Variants in SSBP3 observed in about 807,000 individuals in gnomAD.
The protein encoded by SSBP3 is single-stranded DNA-binding protein 3.
SSBP3 carries 5 observed loss-of-function variants against 69.6 expected under a neutral mutation model. That is an observed-to-expected ratio of 0.07 (90% CI 0.04 to 0.15). The LOEUF is 0.15. Among genes scored for constraint, SSBP3 ranks in the 10% least tolerant of loss-of-function variants. The pLI is 1.00. For synonymous variants in SSBP3, 196 were observed against 193.4 expected (o/e 1.01, Z -0.11); for missense variants, 312 against 534.0 (o/e 0.58, Z 4.10).
intron 4 of SSBP3, among the ~76,000 whole-genome samples, chr1:54,378,007 G>A (rs1647312468): frequency 6.6e-6 from 1 of 151,946 alleles, no homozygotes; most frequent in South Asian, 2.1e-4. Flanking sequence ...ATTCTGCTCG[G>A]CCTCAACACA....
chr1:54,249,839 G>T (rs1265349016), intron 9 of SSBP3, among the ~76,000 whole-genome samples: 2 of 151,364 alleles, frequency 1.3e-5, no homozygotes, highest in Admixed American at 6.6e-5. Flanking sequence ...AGCCCTCCAG[G>T]TCAGGCACAG....
intron 4 of SSBP3, among the ~76,000 whole-genome samples, chr1:54,330,982 G>A (rs571539132): frequency 6.6e-6 from 1 of 152,326 alleles, no homozygotes; most frequent in African/African-American, 2.4e-5. Context: ...TGAAGGCACT[G>A]TTAAATGGCT....
At chr1:54,382,260 A>C (rs1647710440) in intron 4 of SSBP3, among the ~76,000 whole-genome samples, 2 of 152,244 alleles carry the variant, frequency 1.3e-5, no homozygotes, top group African/African-American at 4.8e-5. Flanking sequence ...TATTTTTTAC[A>C]GACAGGGTCT....
chr1:54,268,323 A>G (rs1645137044), intron 5 of SSBP3, among the ~76,000 whole-genome samples: 1 of 152,194 alleles, frequency 6.6e-6, no homozygotes, highest in African/African-American at 2.4e-5. Context: ...ACCGCTCGCC[A>G]GCGCTCAGGC....
chr1:54,334,208 T>C (rs1646469399), intron 4 of SSBP3, among the ~76,000 whole-genome samples: 2 of 151,750 alleles, frequency 1.3e-5, no homozygotes, highest in African/African-American at 4.8e-5. Flanking sequence ...AAAAATTAGC[T>C]GGGCGTGGTG....
intron 4 of SSBP3, among the ~76,000 whole-genome samples, chr1:54,305,943 T>C (rs1645893173): frequency 6.6e-6 from 1 of 151,114 alleles, no homozygotes; most frequent in Non-Finnish European, 1.5e-5. Context: ...TCTTCTACCA[T>C]GATACCCTTC....
chr1:54,341,714 A>G (rs1387795195), intron 4 of SSBP3, among the ~76,000 whole-genome samples: 2 of 134,114 alleles, frequency 1.5e-5, no homozygotes, highest in Non-Finnish European at 3.4e-5. Flanking sequence ...AATGATTGAA[A>G]AAAAAAAAAA....
chr1:54,304,565 T>C (rs1248825381), intron 4 of SSBP3, among the ~76,000 whole-genome samples: 1 of 152,068 alleles, frequency 6.6e-6, no homozygotes, highest in East Asian at 1.9e-4. Context: ...GGCTGGAGTG[T>C]GGAAGAACAG....
intron 4 of SSBP3, among the ~76,000 whole-genome samples, chr1:54,352,617 G>A (rs1385646273): frequency 6.6e-6 from 1 of 152,188 alleles, no homozygotes; most frequent in Non-Finnish European, 1.5e-5. Flanking sequence ...GGGCGGGATG[G>A]CCGTCATCTC....
intron 5 of SSBP3, among the ~76,000 whole-genome samples, chr1:54,267,108 T>A (rs1645115591): frequency 6.6e-6 from 1 of 152,130 alleles, no homozygotes; most frequent in Admixed American, 6.5e-5. Flanking sequence ...AAGAATTAGA[T>A]CCTCTGGGGT....
chr1:54,274,711 C>A lies in SSBP3; in HGVS notation c.366+6727G>T, dbSNP rs531392723. 1.6e-4 allele frequency among the ~76,000 whole-genome samples: 25 copies of A among 152,312 alleles called. No homozygotes were observed. In the South Asian group the frequency reaches 2.9e-3, roughly 18 times the overall value. On this transcript the variant is annotated intron_variant, in intron 5 of 17. Coordinates refer to ENST00000610401, the Ensembl canonical transcript of SSBP3. ...CGCAGCTGGACTCCACACTGGCCAG[C>A]CGGCCAAGGGCCCAGCCCCTCCAGG...
At chr1:54,254,410 A>C (rs1644884293) in intron 7 of SSBP3, among the ~76,000 whole-genome samples, 1 of 152,058 alleles carries the variant, frequency 6.6e-6, no homozygotes, top group Admixed American at 6.6e-5. Context: ...ACCCGGCTGA[A>C]CTCCACTGTC....
intron 13 of SSBP3, among the ~76,000 whole-genome samples, chr1:54,240,104 G>GCA (rs1491195717): frequency 2.2e-4 from 1 of 4,574 alleles, no homozygotes; most frequent in African/African-American, 1.0e-3. Context: ...GCGCGCGTGT[G>GCA]CGTGCGCGCG....
intron 4 of SSBP3, among the ~76,000 whole-genome samples, chr1:54,292,503 A>C (rs998755428): frequency 1.3e-5 from 2 of 152,238 alleles, no homozygotes; most frequent in Non-Finnish European, 2.9e-5. Flanking sequence ...GTGAAGCCTC[A>C]TGTCAGTTCC....
chr1:54,232,775 G>C lies in SSBP3; in HGVS notation c.928-3949C>G, dbSNP rs575415819. 5.8e-3 allele frequency among the ~76,000 whole-genome samples: 887 copies of C among 152,338 alleles called. 4 individuals are homozygous for C. The highest frequency in any genetic ancestry group is 0.051 in the Middle Eastern group (15 of 294). Reference sequence around the variant, plus strand: ...GCCTGACTGGTTTTGGTGGAGACGGGGTTTCGCTGTGTTGGCCGGGCCGTC... The same window carrying C: ...GCCTGACTGGTTTTGGTGGAGACGGCGTTTCGCTGTGTTGGCCGGGCCGTC... On this transcript the variant is annotated intron_variant, in intron 14 of 17. Transcript: ENST00000610401.
intron 4 of SSBP3, chr1:54,285,485 A>G (rs1409295450): frequency 6.6e-6 from 1 of 152,144 alleles, no homozygotes; most frequent in African/African-American, 2.4e-5. Flanking sequence ...GAATACGGGT[A>G]AGTTATACTT....
exon 18 of SSBP3, chr1:54,225,653 G>T: frequency 4.0e-6 from 1 of 248,282 alleles, no homozygotes; most frequent in Non-Finnish European, 7.5e-6. Flanking sequence ...AGAAAGGGAG[G>T]GAGTAAAACA....
At chr1:54,341,490 G>A (rs1020488265) in intron 4 of SSBP3, among the ~76,000 whole-genome samples, 22 of 152,084 alleles carry the variant, frequency 1.4e-4, no homozygotes, top group African/African-American at 5.1e-4. Context: ...AATAGATGCC[G>A]ACCTGCCATC....
exon 1 of SSBP3, chr1:54,406,036 T>C (rs1570083785): frequency 3.0e-6 from 4 of 1,329,338 alleles, no homozygotes; most frequent in Non-Finnish European, 4.0e-6. Flanking sequence ...GCGCCGAGCC[T>C]CGCCGCCGCC....
Sources: allele counts gnomAD v4.1 joint callset (sites outside exome capture counted in the v4.1 genomes callset), GRCh38; gene constraint gnomAD v4.1.1; transcripts MANE v1.5; gene names NCBI Gene and HGNC (gene_info 2026-07-23, HGNC 2026-07-21).